C1QTNF7: variants seen among roughly 807,000 people sequenced by gnomAD.
C1QTNF7 encodes complement C1q tumor necrosis factor-related protein 7.
Under a neutral mutation model 19.6 loss-of-function variants are expected in C1QTNF7, and 15 were observed. That is an observed-to-expected ratio of 0.76 (90% CI 0.51 to 1.18). The LOEUF (loss-of-function observed/expected upper bound fraction) is 1.18, where lower values mean the gene tolerates loss of function less well. Ranked by LOEUF, C1QTNF7 falls within the 50% of genes most tolerant of loss-of-function variation. The pLI is 0.00. For synonymous variants in C1QTNF7, 142 were observed against 137.5 expected, an observed-to-expected ratio of 1.03 and a Z score of -0.23; for missense variants, 324 against 359.7, an observed-to-expected ratio of 0.90 and a Z score of 0.80.
intron 1 of C1QTNF7, among the ~76,000 whole-genome samples, chr4:15,435,063 A>G (rs896393585): frequency 1.3e-5 from 2 of 152,232 alleles, no homozygotes; most frequent in African/African-American, 2.4e-5. Flanking sequence ...TCATGGGTGC[A>G]TGCAAAGATT....
chr4:15,374,902 C>T (rs1299425461), intron 1 of C1QTNF7: 1 of 365,590 alleles, frequency 2.7e-6, no homozygotes, highest in Non-Finnish European at 3.8e-6. Flanking sequence ...GGGTGTTTAC[C>T]GACTGGGGCT....
At chr4:15,344,587 C>CT (rs575434147) in intron 1 of C1QTNF7, among the ~76,000 whole-genome samples, 63 of 152,280 alleles carry the variant, frequency 4.1e-4, no homozygotes, top group African/African-American at 1.5e-3. Flanking sequence ...TGAGGTCTCT[C>CT]TGACTTCTCA....
upstream of C1QTNF7, chr4:15,427,966 C>G (rs1245203188): frequency 6.4e-6 from 6 of 935,612 alleles, no homozygotes; most frequent in African/African-American, 1.1e-4. Context: ...TTATTTTTAG[C>G]ACAACTATTT....
Position 15,446,021 on chromosome 4 carries a change from C to G in C1QTNF7, c.*3222C>G, listed in dbSNP as rs959949448. The stretch of plus-strand genomic sequence containing the variant: ...TCAGGCCACAAATGTTTCTTTGTGC[C>G]CCTGCATGCACAAGGGTATTTCCAG... On this transcript the variant is annotated 3_prime_UTR_variant, in exon 3 of 3. Transcript: ENST00000444304. The G allele has an allele frequency of 6.6e-6, 1 of 152,094 alleles. No homozygotes were observed. The highest frequency in any genetic ancestry group is 1.9e-4 in the East Asian group (1 of 5,192). The allele number at this position is 152,094 out of a possible 1,614,324, so 9.4% of individuals were successfully genotyped here.
chr4:15,436,949 G>A (rs572864852), intron 2 of C1QTNF7, among the ~76,000 whole-genome samples: 57 of 152,246 alleles, frequency 3.7e-4, no homozygotes, highest in African/African-American at 1.3e-3. Flanking sequence ...AATTTGCCAT[G>A]CGGATAATAT....
intron 1 of C1QTNF7, among the ~76,000 whole-genome samples, chr4:15,386,235 C>T (rs1246203798): frequency 4.6e-5 from 7 of 152,196 alleles, no homozygotes; most frequent in African/African-American, 9.6e-5. Flanking sequence ...GGCCTTGTCT[C>T]TCATGCATGG....
chr4:15,339,896 G>T, upstream of C1QTNF7: 1 of 518,522 alleles, frequency 1.9e-6, no homozygotes, highest in Non-Finnish European at 3.4e-6. Flanking sequence ...TTATGGGAAG[G>T]ATCGCAGTTG....
intron 1 of C1QTNF7, among the ~76,000 whole-genome samples, chr4:15,406,621 T>C (rs1007788369): frequency 1.3e-5 from 2 of 152,132 alleles, no homozygotes; most frequent in Non-Finnish European, 2.9e-5. Context: ...CCTATTACAA[T>C]GTTACTGGCA....
At chr4:15,415,477 A>T (rs951525503) in intron 1 of C1QTNF7, among the ~76,000 whole-genome samples, 2 of 152,222 alleles carry the variant, frequency 1.3e-5, no homozygotes, top group African/African-American at 4.8e-5. Flanking sequence ...GACCAAAGGA[A>T]TATGCTTATT....
chr4:15,371,199 AT>A (rs1446947327), intron 1 of C1QTNF7, among the ~76,000 whole-genome samples: 1 of 152,246 alleles, frequency 6.6e-6, no homozygotes, highest in African/African-American at 2.4e-5. Context: ...GCGACCCAAG[AT>A]CCGCTCCTCA....
intron 1 of C1QTNF7, among the ~76,000 whole-genome samples, chr4:15,366,050 A>G (rs1717507119): frequency 6.6e-6 from 1 of 152,182 alleles, no homozygotes; most frequent in Non-Finnish European, 1.5e-5. Context: ...AGTGTACACA[A>G]TGTAACACAG....
chr4:15,439,695 A>C (rs1035823411), intron 2 of C1QTNF7, among the ~76,000 whole-genome samples: 1 of 152,232 alleles, frequency 6.6e-6, no homozygotes, highest in Non-Finnish European at 1.5e-5. Context: ...ATTCATCAGC[A>C]ATATATTTGC....
intron 1 of C1QTNF7, among the ~76,000 whole-genome samples, chr4:15,384,165 C>T (rs533837447): frequency 6.6e-6 from 1 of 152,230 alleles, no homozygotes; most frequent in African/African-American, 2.4e-5. Context: ...ATGTTTTTCT[C>T]TAGGAGGTTG....
At chr4:15,441,684 G>A (rs573940148) in intron 2 of C1QTNF7, among the ~76,000 whole-genome samples, 5 of 152,280 alleles carry the variant, frequency 3.3e-5, no homozygotes, top group African/African-American at 7.2e-5. Context: ...AAATTCTGAC[G>A]AAAATTTTCT....
chr4:15,426,196 C>G (rs1712039802), upstream of C1QTNF7, among the ~76,000 whole-genome samples: 1 of 152,126 alleles, frequency 6.6e-6, no homozygotes, highest in Non-Finnish European at 1.5e-5. Flanking sequence ...CTAGGAAAGA[C>G]AAAATAAGAC....
intron 1 of C1QTNF7, among the ~76,000 whole-genome samples, chr4:15,412,369 C>T (rs976796726): frequency 9.9e-5 from 15 of 151,254 alleles, no homozygotes; most frequent in African/African-American, 3.6e-4. Flanking sequence ...TGAAACCAGT[C>T]CCTGGTGCCA....
At chr4:15,373,510 G>A (rs1211287990) in intron 1 of C1QTNF7, among the ~76,000 whole-genome samples, 1 of 152,150 alleles carries the variant, frequency 6.6e-6, no homozygotes, top group East Asian at 1.9e-4. Context: ...CACCTCATTT[G>A]ATTCTAACCA....
At chr4:15,413,224 T>A (rs1719469776) in intron 1 of C1QTNF7, among the ~76,000 whole-genome samples, 1 of 152,232 alleles carries the variant, frequency 6.6e-6, no homozygotes, top group Non-Finnish European at 1.5e-5. Flanking sequence ...CATCATGTGC[T>A]TCTACCACCT....
intron 1 of C1QTNF7, among the ~76,000 whole-genome samples, chr4:15,371,953 C>T (rs994964562): frequency 6.6e-6 from 1 of 152,094 alleles, no homozygotes; most frequent in Non-Finnish European, 1.5e-5. Flanking sequence ...AGGGTCACAG[C>T]TCAGAATCTC....
Sources: gnomAD v4.1 joint callset for allele counts (sites outside exome capture counted in the v4.1 genomes callset) on GRCh38, gnomAD v4.1.1 for gene constraint, MANE v1.5 for transcripts, NCBI Gene and HGNC (gene_info 2026-07-23, HGNC 2026-07-21) for gene names.